PCSK6: variants seen among roughly 807,000 people sequenced by gnomAD.
PCSK6 encodes the protein proprotein convertase subtilisin/kexin type 6, also known as paired basic amino acid cleaving enzyme 4.
PCSK6 carries 85 observed loss-of-function variants against 123.3 expected under a neutral mutation model. The observed-to-expected ratio is 0.69, with a 90% CI of 0.58 to 0.83. The LOEUF (loss-of-function observed/expected upper bound fraction) is 0.83, where lower values mean the gene tolerates loss of function less well. PCSK6 is among the 40% of genes least tolerant of loss of function. PCSK6 has a pLI of 0.00. For synonymous variants in PCSK6, 508 were observed against 516.0 expected, an observed-to-expected ratio of 0.98 and a Z score of 0.21; for missense variants, 1,191 against 1,282.3, an observed-to-expected ratio of 0.93 and a Z score of 1.09.
chr15:101,459,458 A>ACCGTTCCCGTCCC (rs1555462799), intron 1 of PCSK6, among the ~76,000 whole-genome samples: 1 of 139,256 alleles, frequency 7.2e-6, no homozygotes, highest in African/African-American at 2.8e-5. Context: ...ACCTGCTGCC[A>ACCGTTCCCGTCCC]CCATTCCCGT....
At position 101,450,910 on chromosome 15, in the gene PCSK6, A is replaced by G. The variant is rs145290557; in HGVS notation, c.298-7250T>C. Reference sequence around the variant, plus strand: ...TGAGGCAGGCAAGGCCTGGCCGGGCACTCCCTTCCACTGGCCAGTGCCCTT... The same window carrying G: ...TGAGGCAGGCAAGGCCTGGCCGGGCGCTCCCTTCCACTGGCCAGTGCCCTT... On this transcript the variant is annotated intron_variant, in intron 1 of 21. Coordinates refer to ENST00000611716, the MANE Select transcript of PCSK6 (RefSeq NM_002570.5). Among the ~76,000 whole-genome samples the G allele has an allele frequency of 3.3e-5, 5 of 151,888 alleles. No homozygotes were observed. The East Asian group carries it at 9.7e-4, about 30-fold the overall frequency.
intron 1 of PCSK6, among the ~76,000 whole-genome samples, chr15:101,461,993 T>C (rs1341098485): frequency 6.6e-6 from 1 of 152,190 alleles, no homozygotes; most frequent in Non-Finnish European, 1.5e-5. Flanking sequence ...AATAAATAAT[T>C]AGCTTAAAGA....
intron 1 of PCSK6, among the ~76,000 whole-genome samples, chr15:101,457,863 C>A (rs1435257312): frequency 2.0e-5 from 3 of 152,192 alleles, no homozygotes; most frequent in Non-Finnish European, 4.4e-5. Flanking sequence ...CTGTCCAATT[C>A]CAGACTGAAA....
intron 2 of PCSK6, among the ~76,000 whole-genome samples, chr15:101,441,430 G>A (rs753006301): frequency 1.3e-5 from 2 of 152,118 alleles, no homozygotes; most frequent in South Asian, 2.1e-4. Context: ...CATCTTCACC[G>A]AGAACTCAGC....
chr15:101,418,685 G>T (rs1323460955), intron 6 of PCSK6, among the ~76,000 whole-genome samples: 2 of 152,136 alleles, frequency 1.3e-5, no homozygotes, highest in Non-Finnish European at 2.9e-5. Context: ...GCTAATTTTT[G>T]TATTTTTAGT....
intron 2 of PCSK6, among the ~76,000 whole-genome samples, chr15:101,438,691 T>G (rs1039917273): frequency 6.6e-6 from 1 of 152,210 alleles, no homozygotes; most frequent in East Asian, 1.9e-4. Context: ...AGGAACCACC[T>G]GCAGCTCCCC....
At chr15:101,434,313 G>A (rs963960843) in intron 2 of PCSK6, among the ~76,000 whole-genome samples, 2 of 152,172 alleles carry the variant, frequency 1.3e-5, no homozygotes, top group East Asian at 1.9e-4. Context: ...TGAACTCTCT[G>A]TTCTAACAAC....
chr15:101,432,310 C>T (rs1274804104), intron 2 of PCSK6, among the ~76,000 whole-genome samples: 4 of 151,996 alleles, frequency 2.6e-5, no homozygotes, highest in Non-Finnish European at 4.4e-5. Flanking sequence ...AGAAATAACA[C>T]CACTCTGATA....
chr15:101,347,112 A>G, intron 13 of PCSK6: 1 of 1,231,792 alleles, frequency 8.1e-7, no homozygotes, highest in Non-Finnish European at 1.0e-6. Flanking sequence ...AGTGGGAGTG[A>G]TACTCTATAA....
intron 6 of PCSK6, among the ~76,000 whole-genome samples, chr15:101,402,036 T>C (rs902211326): frequency 1.3e-5 from 2 of 151,898 alleles, no homozygotes; most frequent in African/African-American, 2.4e-5. Flanking sequence ...AAGGCTACAG[T>C]AACCAAAACA....
At chr15:101,441,429 C>T (rs12903266) in intron 2 of PCSK6, among the ~76,000 whole-genome samples, 40,897 of 152,060 alleles carry the variant, frequency 0.27, 6,862 homozygotes, top group Non-Finnish European at 0.38. Context: ...CCATCTTCAC[C>T]GAGAACTCAG....
At chr15:101,431,950 G>A (rs776897039) in intron 3 of PCSK6, 40 bp downstream of exon 3, 2 of 1,405,792 alleles carry the variant, frequency 1.4e-6, no homozygotes, top group Admixed American at 3.5e-5. Flanking sequence ...ACCTGGCAGT[G>A]CAAGTGTCCT....
At chr15:101,430,199 G>T in intron 4 of PCSK6, 136 bp from the exon 5 acceptor site, 1 of 679,142 alleles carries the variant, frequency 1.5e-6, no homozygotes, top group South Asian at 1.7e-5. Context: ...TCTCATATAC[G>T]TTTTTATCGT....
At chr15:101,445,367 G>A (rs1002921480) in intron 1 of PCSK6, among the ~76,000 whole-genome samples, 13 of 152,264 alleles carry the variant, frequency 8.5e-5, no homozygotes, top group South Asian at 4.2e-4. Context: ...GGGTTGCTCC[G>A]AAATTTGAAC....
chr15:101,358,054 G>A (rs1355516356), intron 13 of PCSK6, among the ~76,000 whole-genome samples: 5 of 152,144 alleles, frequency 3.3e-5, no homozygotes, highest in South Asian at 2.1e-4. Context: ...GGACTGTCTC[G>A]GCCTGACATC....
At chr15:101,326,541 G>T (rs552733125) in intron 15 of PCSK6, 62 bp from the exon 16 acceptor site, 3 of 1,424,790 alleles carry the variant, frequency 2.1e-6, no homozygotes, top group African/African-American at 2.8e-5. Context: ...CTGCAGTCCC[G>T]CGGATCCCTG....
intron 1 of PCSK6, among the ~76,000 whole-genome samples, chr15:101,456,239 GT>G (rs71154332): frequency 0.55 from 82,871 of 151,934 alleles, 25,111 homozygotes; most frequent in Non-Finnish European, 0.7. Context: ...TCCCCTCCAC[GT>G]GCTGATTCAC....
At chr15:101,452,158 T>G (rs2057051721) in intron 1 of PCSK6, among the ~76,000 whole-genome samples, 1 of 152,244 alleles carries the variant, frequency 6.6e-6, no homozygotes, top group Non-Finnish European at 1.5e-5. Context: ...AATTAAGCTG[T>G]TCAACATCCT....
At chr15:101,427,018 T>C (rs2056280743) in intron 6 of PCSK6, among the ~76,000 whole-genome samples, 1 of 152,144 alleles carries the variant, frequency 6.6e-6, no homozygotes, top group Non-Finnish European at 1.5e-5. Context: ...CCCCACTTGC[T>C]CAGTTCCCGG....
Sources: allele counts gnomAD v4.1 joint callset (sites outside exome capture counted in the v4.1 genomes callset), GRCh38; gene constraint gnomAD v4.1.1; transcripts MANE v1.5; gene names NCBI Gene and HGNC (gene_info 2026-07-23, HGNC 2026-07-21).